TMEM63A: variants seen among roughly 807,000 people sequenced by gnomAD.
TMEM63A encodes the protein transmembrane protein 63A.
A neutral mutation model predicts 100.6 loss-of-function variants in TMEM63A; 76 were observed. That is an observed-to-expected ratio of 0.76 (90% CI 0.63 to 0.91). TMEM63A has a LOEUF of 0.91. Ranked by LOEUF, TMEM63A falls within the 40% of genes least tolerant of loss-of-function variation. TMEM63A has a pLI of 0.00. For synonymous variants in TMEM63A, 401 were observed against 401.1 expected (o/e 1.00, Z 0.00); for missense variants, 876 against 1,008.8 (o/e 0.87, Z 1.78).
chr1:225,872,270 A>G (rs1670546414), intron 4 of TMEM63A, among the ~76,000 whole-genome samples: 1 of 152,244 alleles, frequency 6.6e-6, no homozygotes, highest in Non-Finnish European at 1.5e-5. Context: ...TCTATGTTAT[A>G]CGGGATGAAT....
chr1:225,857,106 G>A, intron 15 of TMEM63A, 89 bp from the exon 16 acceptor site: 1 of 1,107,656 alleles, frequency 9.0e-7, no homozygotes, highest in East Asian at 3.0e-5. Context: ...GTCGCTCAGT[G>A]GACTCCCAGG....
chr1:225,845,108 C>A, downstream of TMEM63A: 1 of 1,607,920 alleles, frequency 6.2e-7, no homozygotes, highest in South Asian at 1.1e-5. Context: ...GGGCGCAGGG[C>A]CACAGCCTCA....
chr1:225,869,450 C>T (rs1048164657), intron 6 of TMEM63A, among the ~76,000 whole-genome samples: 4 of 152,164 alleles, frequency 2.6e-5, no homozygotes, highest in African/African-American at 7.2e-5. Context: ...CTGCCAGTTC[C>T]CCTGGGAACA....
At chr1:225,861,095 T>C (rs898370829) in intron 13 of TMEM63A, 98 bp from the exon 14 acceptor site, 4 of 1,382,832 alleles carry the variant, frequency 2.9e-6, no homozygotes, top group African/African-American at 2.9e-5. Context: ...GGCAGTGGCA[T>C]AGGACCTTTG....
chr1:225,865,422 C>T lies in TMEM63A; in HGVS notation c.746+475G>A, dbSNP rs1319631465. On this transcript the variant is annotated intron_variant, in intron 10 of 24. Coordinates refer to ENST00000366835, the MANE Select transcript of TMEM63A (RefSeq NM_014698.3). This position sits in a 1 kb window ranked among gnomAD's most constrained non-coding sequence, Gnocchi z 4.6. ...ACCAGGGAGAGCCTGGACTCAGACA[C>T]AGTGCTCACTCAACAGACACCCGCT... The T allele has an allele frequency of 6.5e-6, 1 of 154,614 alleles. No individual in the cohort carries two copies. Among genetic ancestry groups the T allele is most frequent in the Non-Finnish European group, 1.4e-5 (1 of 69,316 alleles). 9.6% of individuals were successfully genotyped at this position (154,614 alleles called of 1,614,324 possible). A position where few individuals can be genotyped will look rare whatever the true frequency, so the allele number is the denominator to read the frequency against.
intron 14 of TMEM63A, chr1:225,859,965 A>T: frequency 6.4e-6 from 1 of 156,056 alleles, no homozygotes; most frequent in Admixed American, 6.1e-5. Flanking sequence ...CATTTCTTAG[A>T]CACATCTGCA....
At chr1:225,844,508 C>G (rs745663475), downstream of TMEM63A, 1 of 1,614,144 alleles carries the variant, frequency 6.2e-7, no homozygotes, top group East Asian at 2.2e-5. Context: ...GAAGTTCTCC[C>G]TGGACGACCT....
chr1:225,844,357 G>T, downstream of TMEM63A: 1 of 1,326,802 alleles, frequency 7.5e-7, no homozygotes. Context: ...CCTGTGACAC[G>T]AGGATACCAC....
At position 225,848,574 on chromosome 1, in the gene TMEM63A, CT is replaced by C. The variant is rs1559032303; in HGVS notation, c.2188-21del. 1 of 1,613,762 alleles carries C rather than the reference CT, an allele frequency of 6.2e-7. No individual in the cohort carries two copies. The highest frequency in any genetic ancestry group is 8.5e-7 in the Non-Finnish European group (1 of 1,179,946). On this transcript the variant is annotated intron_variant, in intron 22 of 24. Coordinates refer to ENST00000366835, the MANE Select transcript of TMEM63A (RefSeq NM_014698.3). ...TTCTGTCTGCAGATAACAGCAAAAA[CT>C]TGCGATGATAAACAAAACTGATCTC...
At chr1:225,878,389 G>A (rs1343192915) in intron 2 of TMEM63A, among the ~76,000 whole-genome samples, 1 of 152,140 alleles carries the variant, frequency 6.6e-6, no homozygotes, top group African/African-American at 2.4e-5. Flanking sequence ...GGACCTCTGG[G>A]TCCCCTAGCT....
chr1:225,877,336 G>A (rs1670855966), intron 3 of TMEM63A, 59 bp downstream of exon 3: 4 of 1,546,508 alleles, frequency 2.6e-6, no homozygotes, highest in Admixed American at 1.8e-5. Flanking sequence ...AGAAGGCCCT[G>A]GGTGGGGCAT....
intron 19 of TMEM63A, 38 bp from the exon 20 acceptor site, chr1:225,852,807 T>C (rs1559035795): frequency 6.3e-7 from 1 of 1,582,854 alleles, no homozygotes; most frequent in Admixed American, 1.7e-5. Context: ...ATGGACTTGT[T>C]CCACCTCAAA....
chr1:225,844,433 G>A, downstream of TMEM63A: 3 of 1,613,410 alleles, frequency 1.9e-6, no homozygotes, highest in Non-Finnish European at 2.5e-6. Flanking sequence ...AGGACTTTCT[G>A]GCTGCCCTTT....
intron 15 of TMEM63A, 101 bp downstream of exon 15, chr1:225,859,095 T>C (rs781067397): frequency 2.8e-4 from 431 of 1,526,072 alleles, no homozygotes; most frequent in Non-Finnish European, 3.5e-4. Flanking sequence ...ACTGGTTTAG[T>C]TCCCCGCACA....
In TMEM63A at chr1:225,853,657, G is replaced by A. The variant is rs552485282; in HGVS notation, c.1769C>T (p.Thr590Met). ...CTTGACATTCCTGCGGTCAGCAGCC[G>A]TCTTGGCCATGATCATGCGGAAGGT... is the stretch of plus-strand genomic sequence containing the variant. ...LYTFRMIMAK[T>M]AADRRNVKQN... is the part of the protein sequence containing the mutation. The change falls in exon 19 of 25, where the codon ACG becomes ATG. Residue 590 changes from threonine to methionine, a missense_variant. Transcript: ENST00000366835. This position sits in a 1 kb window ranked among gnomAD's most constrained non-coding sequence, Gnocchi z 4.0. 92 of 1,574,010 alleles carry A rather than the reference G, an allele frequency of 5.8e-5. No homozygotes were observed. The highest frequency in any genetic ancestry group is 2.4e-4 in the African/African-American group (18 of 74,288).
At chr1:225,845,011 G>C, downstream of TMEM63A, 2 of 992,998 alleles carry the variant, frequency 2.0e-6, no homozygotes, top group Non-Finnish European at 3.1e-6. Context: ...TGAGACCCTG[G>C]ATTTGTCCTT....
downstream of TMEM63A, among the ~76,000 whole-genome samples, chr1:225,843,993 G>C (rs1201450247): frequency 3.9e-5 from 6 of 152,184 alleles, no homozygotes; most frequent in Admixed American, 3.9e-4. Context: ...AGTGGAAGGT[G>C]GGGTGGGGGC....
At chr1:225,844,451 A>G (rs377503706), downstream of TMEM63A, 6 of 1,600,964 alleles carry the variant, frequency 3.7e-6, no homozygotes, top group African/African-American at 8.1e-5. Flanking sequence ...TTTGTCACAC[A>G]ACTGCATGTG....
chr1:225,861,089 G>C (rs1669912204), intron 13 of TMEM63A, 92 bp from the exon 14 acceptor site: 1 of 1,420,224 alleles, frequency 7.0e-7, no homozygotes. Context: ...GTGGGAGGCA[G>C]TGGCATAGGA....
Sources: gnomAD v4.1 joint callset for allele counts (sites outside exome capture counted in the v4.1 genomes callset) on GRCh38, gnomAD v4.1.1 for gene constraint, Gnocchi (gnomAD v3.1) non-coding constraint, MANE v1.5 for transcripts, NCBI Gene and HGNC (gene_info 2026-07-23, HGNC 2026-07-21) for gene names.